The following NPL variants were observed in gnomAD, a reference collection of about 807,000 sequenced individuals.
NPL encodes the protein N-acetylneuraminate lyase.
NPL carries 32 observed loss-of-function variants against 41.1 expected under a neutral mutation model. The ratio of observed to expected loss-of-function variants is 0.78; its 90% CI spans 0.59 to 1.05. NPL has a LOEUF of 1.05. Among genes scored for constraint, NPL ranks in the 50% least tolerant of loss-of-function variants. The pLI, the probability that NPL is intolerant of heterozygous loss-of-function variation, is 0.00. For missense variants in NPL, 321 were observed against 378.4 expected (o/e 0.85, Z 1.26); for synonymous variants, 128 against 134.9 (o/e 0.95, Z 0.35).
At chr1:182,822,787 C>T (rs1667525146) in intron 11 of NPL, among the ~76,000 whole-genome samples, 1 of 152,212 alleles carries the variant, frequency 6.6e-6, no homozygotes, top group Non-Finnish European at 1.5e-5. Flanking sequence ...GACATAGTGG[C>T]TGCTGTGAAT....
intron 5 of NPL, 143 bp from the exon 6 acceptor site, chr1:182,812,013 G>T: frequency 1.3e-6 from 1 of 758,610 alleles, no homozygotes. Flanking sequence ...CCTTTAAGTA[G>T]ATTAAATATA....
intron 8 of NPL, 49 bp from the exon 9 acceptor site, chr1:182,818,492 T>C: frequency 1.2e-6 from 2 of 1,608,180 alleles, no homozygotes; most frequent in Non-Finnish European, 1.7e-6. Context: ...TATGAGATGT[T>C]ATTTCCTAGA....
chr1:182,829,219 A>G lies in NPL; in HGVS notation c.*311A>G. The G allele has an allele frequency of 8.2e-7, 1 of 1,217,012 alleles. No individual in the cohort carries two copies. The highest frequency in any genetic ancestry group is 2.2e-5 in the South Asian group (1 of 44,796). The allele number at this position is 1,217,012 out of a possible 1,614,324, so 75.4% of individuals were successfully genotyped here. ...ATTCCATCTGTCTTTAGGAGCTCTC[A>G]TTATCTCGGTCTCTGGTTCCTAATC... is the stretch of plus-strand genomic sequence containing the variant. On this transcript the variant is annotated 3_prime_UTR_variant, in exon 13 of 13. Transcript: ENST00000367553.
Position 182,816,743 on chromosome 1 carries a change from GC to G in NPL, c.395del (p.Ala132ValfsTer17). Reference protein sequence around the residue: ...DILINFLKEVAAAAPALPFYY... With the variant: ...DILINFLKEVXAAAPALPFYY... Reference sequence around the variant, plus strand: ...CCTGATTAATTTCCTAAAGGAAGTGGCTGCTGCCGCCCCTGCCCTGCCATTT... The same window carrying G: ...CCTGATTAATTTCCTAAAGGAAGTGGTGCTGCCGCCCCTGCCCTGCCATTT... On this transcript the variant is annotated frameshift_variant, in exon 8 of 13. Coordinates refer to ENST00000367553, the MANE Select transcript of NPL (RefSeq NM_030769.3). LOFTEE classifies it high-confidence loss of function. The G allele has an allele frequency of 6.2e-7, 1 of 1,612,742 alleles. No individual in the cohort carries two copies. Among genetic ancestry groups the G allele is most frequent in the South Asian group, 1.1e-5 (1 of 91,068 alleles).
rs989467804 is a variant in NPL at position 182,830,279 on chromosome 1, G to A, written c.*1371G>A. On this transcript the variant is annotated 3_prime_UTR_variant, in exon 13 of 13. Coordinates refer to ENST00000367553, the MANE Select transcript of NPL (RefSeq NM_030769.3). ...CCTGAAAGAAGAAAATGAGTTGTTC[G>A]TTTTTGGTTCTGAGGATGTGATATC... 2.0e-5 allele frequency: 3 copies of A among 152,056 alleles called. No individual in the cohort carries two copies. Among genetic ancestry groups the A allele is most frequent in the African/African-American group, 4.8e-5 (2 of 41,422 alleles). 9.4% of individuals were successfully genotyped at this position (152,056 alleles called of 1,614,324 possible).
Position 182,828,871 on chromosome 1 carries a change from C to T in NPL, c.926C>T (p.Thr309Ile), listed in dbSNP as rs1391003968. ...KLKSLDFLSF[T>I]DLKDGNLEAG... The stretch of plus-strand genomic sequence containing the variant: ...AAGAGCCTGGATTTCCTTTCTTTCA[C>T]TGATTTAAAGGATGGAAACTTGGAA... The change falls in exon 13 of 13, where the codon ACT (threonine) becomes ATT (isoleucine). Residue 309 changes from threonine to isoleucine, a missense_variant. Thr to Ile is a moderately conservative substitution (Grantham distance 89). Coordinates refer to ENST00000367553, the MANE Select transcript of NPL (RefSeq NM_030769.3). The surrounding 1 kb of genome is among the most constrained non-coding windows in gnomAD (Gnocchi z 4.0). 5.0e-6 allele frequency: 8 copies of T among 1,614,200 alleles called. No individual in the cohort carries two copies. Among genetic ancestry groups the T allele is most frequent in the Admixed American group, 1.7e-5 (1 of 60,024 alleles).
At position 182,794,383 on chromosome 1, in the gene NPL, A is replaced by C; in HGVS notation, c.12A>C (p.Pro4=). The stretch of plus-strand genomic sequence containing the variant: ...CTACCAGCAGCTCAATGGCCTTCCC[A>C]AAGAAGAAACTTCAGGGTCTTGTGG... The part of the protein sequence containing the change: MAF[P]KKKLQGLVAA... Residue 4 remains proline (P), a synonymous_variant, in exon 3 of 13, where the codon CCA becomes CCC. Coordinates refer to ENST00000367553, the MANE Select transcript of NPL (RefSeq NM_030769.3). The C allele has an allele frequency of 1.2e-6, 2 of 1,614,212 alleles. No individual in the cohort carries two copies. The highest frequency in any genetic ancestry group is 1.7e-6 in the Non-Finnish European group (2 of 1,180,026).
intron 2 of NPL, 90 bp from the exon 3 acceptor site, chr1:182,794,266 A>G: frequency 9.2e-7 from 1 of 1,086,098 alleles, no homozygotes; most frequent in Non-Finnish European, 1.4e-6. Flanking sequence ...AGCACATTTT[A>G]CAGTTCTAAA....
chr1:182,816,392 A>G (rs1353298060), intron 7 of NPL, among the ~76,000 whole-genome samples: 1 of 151,742 alleles, frequency 6.6e-6, no homozygotes, highest in Non-Finnish European at 1.5e-5. Context: ...TTGGGGTAAG[A>G]CGACAAGAGT....
intron 3 of NPL, among the ~76,000 whole-genome samples, chr1:182,797,026 A>G (rs1666689927): frequency 6.8e-6 from 1 of 146,874 alleles, no homozygotes; most frequent in Non-Finnish European, 1.5e-5. Context: ...CAGAGTGAGA[A>G]TATGTCTCAA....
intron 10 of NPL, among the ~76,000 whole-genome samples, chr1:182,821,624 T>C (rs1296823184): frequency 6.6e-6 from 1 of 152,212 alleles, no homozygotes; most frequent in Non-Finnish European, 1.5e-5. Context: ...TTATCATCAT[T>C]ATTAATATTA....
chr1:182,827,857 ACC>A (rs1408254176), intron 12 of NPL, among the ~76,000 whole-genome samples: 1 of 152,106 alleles, frequency 6.6e-6, no homozygotes, highest in Non-Finnish European at 1.5e-5. Flanking sequence ...TTTCTGGGTA[ACC>A]CATTGAACAT....
rs1667504258 is a variant in NPL, at chr1:182,822,160, T to C, written c.699T>C (p.Ala233=). The C allele has an allele frequency of 1.9e-6, 3 of 1,613,822 alleles. No individual in the cohort carries two copies. Among genetic ancestry groups the C allele is most frequent in the Non-Finnish European group, 2.5e-6 (3 of 1,179,678 alleles). The change falls in exon 11 of 13, where the codon GCT becomes GCC. Residue 233 remains alanine (A), a synonymous_variant. Transcript: ENST00000367553. ...AAAAGACAAACCAGATGTTGGAGGCTTTTGAACAAAAGGACTTCTCTTTAG... is the reference window on the plus strand; with the variant it reads ...AAAAGACAAACCAGATGTTGGAGGCCTTTGAACAAAAGGACTTCTCTTTAG... The part of the protein sequence containing the change: ...LGKKTNQMLE[A]FEQKDFSLAL...
intron 7 of NPL, 69 bp downstream of exon 7, chr1:182,814,927 T>A: frequency 7.9e-7 from 1 of 1,258,056 alleles, no homozygotes; most frequent in Non-Finnish European, 1.2e-6. Context: ...TTCAAAATGG[T>A]TATATTTAAT....
At chr1:182,801,357 C>G (rs1666841363) in intron 3 of NPL, among the ~76,000 whole-genome samples, 1 of 152,138 alleles carries the variant, frequency 6.6e-6, no homozygotes, top group Non-Finnish European at 1.5e-5. Context: ...GCTGAATAGC[C>G]TGCCTCCCAG....
intron 3 of NPL, among the ~76,000 whole-genome samples, chr1:182,800,648 TG>T (rs1489655828): frequency 6.6e-6 from 1 of 150,768 alleles, no homozygotes. Context: ...CTGAGGGACC[TG>T]GGGGCATCCA....
chr1:182,814,994 C>T (rs753838634), intron 7 of NPL, 136 bp downstream of exon 7: 2 of 699,930 alleles, frequency 2.9e-6, no homozygotes, highest in Non-Finnish European at 5.0e-6. Context: ...TACAGTGGTT[C>T]TCTGAAATAT....
In NPL at chr1:182,817,599, C is replaced by T. The variant is rs564200511; in HGVS notation, c.457+793C>T. On this transcript the variant is annotated intron_variant, in intron 8 of 12. Coordinates refer to ENST00000367553, the MANE Select transcript of NPL (RefSeq NM_030769.3). ...CACAGGACTGCCCCCACTTCAGTGCCAGTCTCAAGTCCCAGGTTGTGGCCT... is the reference window on the plus strand; with the variant it reads ...CACAGGACTGCCCCCACTTCAGTGCTAGTCTCAAGTCCCAGGTTGTGGCCT... 1.9e-4 allele frequency among the ~76,000 whole-genome samples: 29 copies of T among 152,336 alleles called. No individual in the cohort carries two copies. In the South Asian group the frequency reaches 6.0e-3, roughly 32 times the overall value.
chr1:182,791,596 G>A (rs1218354994), intron 1 of NPL, among the ~76,000 whole-genome samples: 2 of 152,156 alleles, frequency 1.3e-5, no homozygotes, highest in Non-Finnish European at 2.9e-5. Context: ...CACTCCCAAC[G>A]GCCCCTTGTT....
Sources: gnomAD v4.1 joint callset for allele counts (sites outside exome capture counted in the v4.1 genomes callset) on GRCh38, gnomAD v4.1.1 for gene constraint, Gnocchi (gnomAD v3.1) non-coding constraint, MANE v1.5 for transcripts, NCBI Gene and HGNC (gene_info 2026-07-23, HGNC 2026-07-21) for gene names.